Variants in ASB3 observed in about 807,000 individuals in gnomAD.
ASB3 encodes the protein ankyrin repeat and SOCS box protein 3.
A neutral mutation model predicts 54.5 loss-of-function variants in ASB3; 41 were observed. The observed-to-expected ratio is 0.75, with a 90% confidence interval of 0.59 to 0.98. The LOEUF is 0.98. Among genes scored for constraint, ASB3 ranks in the 50% least tolerant of loss-of-function variants. ASB3 has a pLI of 0.00. For synonymous variants in ASB3, 266 were observed against 221.2 expected, an observed-to-expected ratio of 1.20 and a Z score of -1.80; for missense variants, 733 against 620.0, an observed-to-expected ratio of 1.18 and a Z score of -1.94.
intron 7 of ASB3, among the ~76,000 whole-genome samples, chr2:53,712,242 G>A (rs193049214): frequency 2.6e-5 from 4 of 151,290 alleles, no homozygotes; most frequent in Non-Finnish European, 5.9e-5. Flanking sequence ...CATTAAAAAC[G>A]CTTCTTTGCC....
chr2:53,756,994 G>T, intron 2 of ASB3: 1 of 168,316 alleles, frequency 5.9e-6, no homozygotes, highest in Non-Finnish European at 1.2e-5. Context: ...CTTGGAATCC[G>T]TGAGGTCAAG....
intron 7 of ASB3, among the ~76,000 whole-genome samples, chr2:53,712,270 G>C (rs1392306217): frequency 6.6e-6 from 1 of 151,462 alleles, no homozygotes; most frequent in Non-Finnish European, 1.5e-5. Flanking sequence ...GCAGAAGATA[G>C]TGAAGTAAAT....
At chr2:53,771,830 C>T in intron 1 of ASB3, 1 of 797,620 alleles carries the variant, frequency 1.3e-6, no homozygotes, top group Non-Finnish European at 2.2e-6. Context: ...TATTCCATGT[C>T]AAAAATGTTG....
chr2:53,768,017 G>T lies in ASB3; in HGVS notation c.-13-2432C>A, dbSNP rs545896658. ...AGCACGGACCACCGCGGGGTCCCCG[G>T]CAAGGTGAGGCGCCGGTCAGCTCCC... On this transcript the variant is annotated intron_variant, in intron 1 of 9. Transcript: ENST00000263634. 6 of 1,613,110 alleles carry T rather than the reference G, an allele frequency of 3.7e-6. No homozygotes were observed. In the Admixed American group the frequency reaches 1.0e-4, roughly 27 times the overall value.
chr2:53,719,294 G>A (rs72793667), intron 5 of ASB3, among the ~76,000 whole-genome samples: 7,860 of 152,194 alleles, frequency 0.052, 287 homozygotes, highest in Middle Eastern at 0.12. Context: ...AGTGGCTCAC[G>A]CCTATAAGCC....
At chr2:53,709,647 C>T (rs1669981031) in intron 7 of ASB3, among the ~76,000 whole-genome samples, 2 of 152,150 alleles carry the variant, frequency 1.3e-5, no homozygotes, top group Admixed American at 1.3e-4. Flanking sequence ...TGGGAGTTCA[C>T]TGTACCAATT....
chr2:53,714,271 G>C, intron 7 of ASB3, 113 bp downstream of exon 7: 1 of 1,314,596 alleles, frequency 7.6e-7, no homozygotes, highest in Non-Finnish European at 1.0e-6. Context: ...TTCCAAGATA[G>C]CAATTTAGCA....
intron 6 of ASB3, among the ~76,000 whole-genome samples, chr2:53,716,164 C>G (rs1215669272): frequency 6.6e-6 from 1 of 152,174 alleles, no homozygotes; most frequent in South Asian, 2.1e-4. Flanking sequence ...ACTTAGCACA[C>G]ACTCCAACAG....
chr2:53,752,867 C>T (rs576224230), intron 2 of ASB3, among the ~76,000 whole-genome samples: 37 of 152,180 alleles, frequency 2.4e-4, no homozygotes, highest in African/African-American at 7.9e-4. Context: ...GAAAGATGGT[C>T]ACTAAAAGGT....
intron 3 of ASB3, 135 bp from the exon 4 acceptor site, chr2:53,729,705 T>A: frequency 1.5e-6 from 1 of 679,618 alleles, no homozygotes; most frequent in Non-Finnish European, 2.5e-6. Flanking sequence ...GTTATCACAA[T>A]TGTCTTAGCC....
chr2:53,754,133 T>C (rs536608938), intron 2 of ASB3, among the ~76,000 whole-genome samples: 2 of 152,150 alleles, frequency 1.3e-5, no homozygotes, highest in Non-Finnish European at 2.9e-5. Flanking sequence ...TGAAAGGGCA[T>C]CCTATGACCA....
chr2:53,670,758 A>AT (rs538662278), intron 9 of ASB3, 68 bp from the exon 10 acceptor site: 129 of 1,499,554 alleles, frequency 8.6e-5, no homozygotes, highest in Admixed American at 1.2e-4. Context: ...ATAAAGGTAA[A>AT]TTTTTTTTTC....
At chr2:53,731,511 T>C (rs1671313657) in intron 3 of ASB3, among the ~76,000 whole-genome samples, 1 of 152,204 alleles carries the variant, frequency 6.6e-6, no homozygotes, top group Non-Finnish European at 1.5e-5. Context: ...GAATCTAACA[T>C]AACTAAGTTA....
intron 5 of ASB3, among the ~76,000 whole-genome samples, chr2:53,726,854 G>A (rs907896118): frequency 2.6e-5 from 4 of 151,502 alleles, no homozygotes; most frequent in African/African-American, 4.9e-5. Context: ...CCACCACACC[G>A]GGCTAATTTT....
chr2:53,780,142 G>T (rs1674563455), intron 1 of ASB3, among the ~76,000 whole-genome samples: 1 of 152,128 alleles, frequency 6.6e-6, no homozygotes, highest in Non-Finnish European at 1.5e-5. Context: ...ATATGAAACT[G>T]AGGTCAGTAA....
chr2:53,680,386 T>A (rs1012878666), intron 9 of ASB3, among the ~76,000 whole-genome samples: 2 of 152,194 alleles, frequency 1.3e-5, no homozygotes, highest in Admixed American at 1.3e-4. Flanking sequence ...TCTTTTTCTA[T>A]GCAACCTCGC....
At position 53,700,473 on chromosome 2, in the gene ASB3, C is replaced by A; in HGVS notation, c.1036G>T (p.Glu346Ter). Reference protein sequence around the residue: ...ILLKYGAQINELHLAYCLKYE... With the variant: ...ILLKYGAQIN ...TTCAGGCAGTATGCCAAATGAAGTT[C>A]ATTTATCTGGGCTCCATATTTCAAA... The change falls in exon 8 of 10, where the codon GAA becomes TAA. Residue 346 changes from glutamate (E) to a stop codon, truncating the protein, a stop_gained. Transcript: ENST00000263634. LOFTEE classifies it high-confidence loss of function. The A allele has an allele frequency of 1.2e-6, 2 of 1,614,002 alleles. No homozygotes were observed. Among genetic ancestry groups the A allele is most frequent in the East Asian group, 2.2e-5 (1 of 44,866 alleles).
At chr2:53,699,101 T>C (rs930735739) in intron 8 of ASB3, among the ~76,000 whole-genome samples, 13 of 152,206 alleles carry the variant, frequency 8.5e-5, no homozygotes, top group Non-Finnish European at 1.6e-4. Context: ...GCCCATCTGA[T>C]GAGGGCCTTC....
intron 3 of ASB3, among the ~76,000 whole-genome samples, chr2:53,736,311 G>T (rs1463032157): frequency 6.6e-5 from 10 of 152,102 alleles, no homozygotes; most frequent in African/African-American, 2.4e-4. Flanking sequence ...CCACCCACCA[G>T]AATATTTAAA....
Sources: gnomAD v4.1 joint callset for allele counts (sites outside exome capture counted in the v4.1 genomes callset) on GRCh38, gnomAD v4.1.1 for gene constraint, MANE v1.5 for transcripts, NCBI Gene and HGNC (gene_info 2026-07-23, HGNC 2026-07-21) for gene names.